Variants in FRAS1 observed in about 807,000 individuals in gnomAD.
The protein encoded by FRAS1 is Fraser extracellular matrix complex subunit 1.
In FRAS1, 290 loss-of-function variants were observed where a neutral mutation model predicts 435.2. That is an observed-to-expected ratio of 0.67 (90% CI 0.61 to 0.73). The LOEUF is 0.73. Among genes scored for constraint, FRAS1 ranks in the 30% least tolerant of loss-of-function variants. The pLI is 0.00. For missense variants in FRAS1, 4,860 were observed against 5,001.5 expected (o/e 0.97, Z 0.85); for synonymous variants, 1,800 against 1,851.0 (o/e 0.97, Z 0.71).
intron 14 of FRAS1, among the ~76,000 whole-genome samples, chr4:78,301,555 G>A (rs769857510): frequency 3.3e-5 from 5 of 152,186 alleles, no homozygotes; most frequent in Non-Finnish European, 7.3e-5. Context: ...TAGATGTCAA[G>A]TAGGACTGGG....
At chr4:78,500,116 G>T (rs952114695) in intron 61 of FRAS1, among the ~76,000 whole-genome samples, 195 bp downstream of exon 61, 2 of 152,098 alleles carry the variant, frequency 1.3e-5, no homozygotes, top group African/African-American at 4.8e-5. Context: ...AAAAGAAATA[G>T]GTCTCTTACT....
At chr4:78,335,466 C>CT (rs1412170269) in intron 19 of FRAS1, among the ~76,000 whole-genome samples, 1 of 152,216 alleles carries the variant, frequency 6.6e-6, no homozygotes, top group Non-Finnish European at 1.5e-5. Context: ...ATCACCTAAC[C>CT]TAAGAAGTCT....
At chr4:78,199,812 G>A (rs1421318880) in intron 2 of FRAS1, among the ~76,000 whole-genome samples, 1 of 152,166 alleles carries the variant, frequency 6.6e-6, no homozygotes, top group Non-Finnish European at 1.5e-5. Flanking sequence ...CATGGGGACT[G>A]TTTTAATAAT....
intron 59 of FRAS1, among the ~76,000 whole-genome samples, chr4:78,496,013 C>G (rs55870843): frequency 8.5e-5 from 13 of 152,168 alleles, no homozygotes; most frequent in Non-Finnish European, 1.6e-4. Context: ...AGTGAAACTT[C>G]TCTCTACTCA....
intron 2 of FRAS1, among the ~76,000 whole-genome samples, chr4:78,112,908 T>C (rs1033830601): frequency 1.3e-5 from 2 of 152,158 alleles, no homozygotes; most frequent in East Asian, 1.9e-4. Context: ...ACATGTGCCA[T>C]ATTGGTGTGC....
intron 65 of FRAS1, among the ~76,000 whole-genome samples, chr4:78,515,358 A>C (rs1213248004): frequency 6.6e-6 from 1 of 151,886 alleles, no homozygotes; most frequent in Non-Finnish European, 1.5e-5. Flanking sequence ...GTCTCAAAAA[A>C]GAAATTTTAA....
chr4:78,409,007 TCACTTGAGCCTGGGAGGTGGAGGA>T, intron 31 of FRAS1, among the ~76,000 whole-genome samples: 1 of 72,026 alleles, frequency 1.4e-5, no homozygotes, highest in East Asian at 3.9e-4. Flanking sequence ...GGCGGGAGGA[TCACTTGAGCCTGGGAGGTGGAGGA>T]TCACTTGAGC....
chr4:78,531,389 G>GA (rs1425225701), intron 70 of FRAS1, among the ~76,000 whole-genome samples: 1 of 152,112 alleles, frequency 6.6e-6, no homozygotes, highest in Admixed American at 6.6e-5. Context: ...GAATAGGAGT[G>GA]GTGAGAGAGG....
chr4:78,231,113 C>A (rs1724501725), intron 2 of FRAS1, among the ~76,000 whole-genome samples: 1 of 151,980 alleles, frequency 6.6e-6, no homozygotes, highest in Non-Finnish European at 1.5e-5. Flanking sequence ...TGCCACCATG[C>A]CCAGCAATTT....
At position 78,267,327 on chromosome 4, in the gene FRAS1, G is replaced by C. The variant is rs1232958308; in HGVS notation, c.876G>C (p.Arg292=). Residue 292 remains arginine (R), a synonymous_variant, in exon 9 of 74, where the codon CGG becomes CGC. Coordinates refer to ENST00000512123, the MANE Select transcript of FRAS1 (RefSeq NM_025074.7). The part of the protein sequence containing the change: ...AGSCSYDGVV[R]YQDEMWKGSA... ...GCTGCTCCTATGATGGAGTTGTGCG[G>C]TACCAGGACGAAATGTGGAAGGGCT... The C allele has an allele frequency of 4.3e-6, 7 of 1,613,830 alleles. No individual in the cohort carries two copies. In the South Asian group the frequency reaches 7.7e-5, roughly 18 times the overall value.
chr4:78,372,971 T>G, intron 24 of FRAS1, 113 bp downstream of exon 24: 1 of 1,215,344 alleles, frequency 8.2e-7, no homozygotes, highest in Non-Finnish European at 1.1e-6. Flanking sequence ...TTTACCCCAT[T>G]TCTGGTTTCT....
chr4:78,148,562 T>G (rs1462896663), intron 2 of FRAS1, among the ~76,000 whole-genome samples: 1 of 152,222 alleles, frequency 6.6e-6, no homozygotes, highest in Non-Finnish European at 1.5e-5. Context: ...GTTCTTGAGC[T>G]TCTAAATTAA....
intron 14 of FRAS1, among the ~76,000 whole-genome samples, chr4:78,292,975 T>C (rs1324310166): frequency 6.6e-6 from 1 of 152,200 alleles, no homozygotes; most frequent in Admixed American, 6.5e-5. Flanking sequence ...GACTTGTTGC[T>C]TCAAGTGGTA....
chr4:78,220,382 T>C lies in FRAS1; in HGVS notation c.109-17128T>C, dbSNP rs182990425. ...CCCCAAGTAAAGGTTTATTGGAACA[T>C]AGACCTGCTGATTTATTTACATACT... On this transcript the variant is annotated intron_variant, in intron 2 of 73. Coordinates refer to ENST00000512123, the MANE Select transcript of FRAS1 (RefSeq NM_025074.7). Among the ~76,000 whole-genome samples the C allele has an allele frequency of 1.2e-3, 183 of 152,330 alleles. 1 individual carries two copies. The highest frequency in any genetic ancestry group is 2.0e-3 in the Non-Finnish European group (133 of 68,028).
chr4:78,317,839 TTTTTCCCTA>T (rs1293758154), intron 17 of FRAS1, among the ~76,000 whole-genome samples: 8 of 152,232 alleles, frequency 5.3e-5, no homozygotes, highest in African/African-American at 1.9e-4. Context: ...CTTCATTTTG[TTTTTCCCTA>T]AAGAATTTCT....
At chr4:78,248,326 A>G (rs1725352681) in intron 4 of FRAS1, among the ~76,000 whole-genome samples, 1 of 152,174 alleles carries the variant, frequency 6.6e-6, no homozygotes, top group Non-Finnish European at 1.5e-5. Context: ...GAGTTGTTTG[A>G]ATACTTTTTT....
At position 78,452,197 on chromosome 4, in the gene FRAS1, C is replaced by G; in HGVS notation, c.6606C>G (p.Ile2202Met). The change falls in exon 47 of 74, where the codon ATC becomes ATG. Residue 2202 changes from isoleucine (I) to methionine (M), a missense_variant. Ile to Met is a conservative substitution (Grantham distance 10, BLOSUM62 1). Transcript: ENST00000512123. ...SILEDKSPPVITTNKGLVLDE... is the reference protein window; with the variant it reads ...SILEDKSPPVMTTNKGLVLDE... ...CAGAAGACAAATCCCCACCAGTCATCACCACCAATAAAGGACTGGTCTTGG... is the reference window on the plus strand; with the variant it reads ...CAGAAGACAAATCCCCACCAGTCATGACCACCAATAAAGGACTGGTCTTGG... 6.2e-7 allele frequency: 1 copy of G among 1,613,738 alleles called. No individual in the cohort carries two copies. The highest frequency in any genetic ancestry group is 8.5e-7 in the Non-Finnish European group (1 of 1,179,654).
rs192123265 is a variant in FRAS1 at position 78,414,490 on chromosome 4, G to A, written c.4425+1405G>A. ...TTAAATGTGATTAGTCTACTCGTAC[G>A]TTACTTAAAATATACAGTTTATATA... On this transcript the variant is annotated intron_variant, in intron 32 of 73. Transcript: ENST00000512123. Among the ~76,000 whole-genome samples the A allele has an allele frequency of 2.6e-3, 402 of 152,252 alleles. 1 individual carries two copies. Among genetic ancestry groups the A allele is most frequent in the African/African-American group, 8.7e-3 (363 of 41,548 alleles).
At chr4:78,152,607 C>CTTTTTTTTTT (rs71214398) in intron 2 of FRAS1, among the ~76,000 whole-genome samples, 9 of 72,412 alleles carry the variant, frequency 1.2e-4, no homozygotes, top group South Asian at 7.7e-4. Flanking sequence ...ATGTAGGCTG[C>CTTTTTTTTTT]TTTTTTTTTT....
Sources: gnomAD v4.1 joint callset for allele counts (sites outside exome capture counted in the v4.1 genomes callset) on GRCh38, gnomAD v4.1.1 for gene constraint, MANE v1.5 for transcripts, NCBI Gene and HGNC (gene_info 2026-07-23, HGNC 2026-07-21) for gene names.